HPRT1: variants seen among roughly 807,000 people sequenced by gnomAD.
HPRT1 encodes the protein hypoxanthine phosphoribosyltransferase 1, also known as hypoxanthine-guanine phosphoribosyltransferase.
HPRT1 carries 4 observed loss-of-function variants against 19.0 expected under a neutral mutation model. The ratio of observed to expected loss-of-function variants is 0.21; its 90% CI spans 0.10 to 0.48. The LOEUF (loss-of-function observed/expected upper bound fraction) is 0.48. Among genes scored for constraint, HPRT1 ranks in the 20% least tolerant of loss-of-function variants. The pLI, the probability that HPRT1 is intolerant of heterozygous loss-of-function variation, is 0.98. For missense variants in HPRT1, 65 were observed against 164.0 expected (o/e 0.40, Z 3.30); for synonymous variants, 53 against 54.9 (o/e 0.97, Z 0.15).
intron 3 of HPRT1, among the ~76,000 whole-genome samples, chrX:134,485,746 C>T (rs2077651186): frequency 9.0e-6 from 1 of 111,578 alleles, no homozygotes; most frequent in Non-Finnish European, 1.9e-5. Flanking sequence ...TAGGGCAAGT[C>T]GAAGCTCTTT....
At chrX:134,477,850 T>A (rs2077629891) in intron 3 of HPRT1, among the ~76,000 whole-genome samples, 1 of 109,337 alleles carries the variant, frequency 9.1e-6, no homozygotes. Flanking sequence ...AATTTTTTTT[T>A]ATGTTTGTAG....
At chrX:134,478,121 T>A (rs1374169095) in intron 3 of HPRT1, among the ~76,000 whole-genome samples, 1 of 112,164 alleles carries the variant, frequency 8.9e-6, no homozygotes, top group African/African-American at 3.2e-5. Flanking sequence ...AACATTGATG[T>A]CAGTATGATT....
intron 1 of HPRT1, among the ~76,000 whole-genome samples, chrX:134,472,861 C>T (rs1482352319): frequency 3.6e-5 from 4 of 111,334 alleles, no homozygotes; most frequent in Non-Finnish European, 5.7e-5. Flanking sequence ...AGGCGTGAGC[C>T]ACCGCGCCCA....
intron 2 of HPRT1, among the ~76,000 whole-genome samples, chrX:134,474,100 T>C (rs1199495375): frequency 8.9e-6 from 1 of 111,798 alleles, no homozygotes; most frequent in Non-Finnish European, 1.9e-5. Context: ...TTTTAAATGT[T>C]ATTGGACACT....
At chrX:134,489,488 T>G (rs1450178741) in intron 4 of HPRT1, among the ~76,000 whole-genome samples, 1 of 111,672 alleles carries the variant, frequency 9.0e-6, no homozygotes, top group African/African-American at 3.2e-5. Flanking sequence ...ATCATGAATC[T>G]TCTTGTGGCA....
At chrX:134,480,175 T>A (rs1341251070) in intron 3 of HPRT1, among the ~76,000 whole-genome samples, 1 of 111,439 alleles carries the variant, frequency 9.0e-6, no homozygotes, top group African/African-American at 3.3e-5. Context: ...TTCATTTACA[T>A]TTGAGAACAG....
At chrX:134,474,495 C>G (rs759340705) in intron 2 of HPRT1, among the ~76,000 whole-genome samples, 1 of 106,893 alleles carries the variant, frequency 9.4e-6, no homozygotes, top group Non-Finnish European at 1.9e-5. Context: ...TCACAGTTCA[C>G]TGCAGTCTCA....
intron 4 of HPRT1, among the ~76,000 whole-genome samples, chrX:134,489,884 A>G: frequency 8.9e-6 from 1 of 111,872 alleles, no homozygotes; most frequent in Middle Eastern, 4.6e-3. Flanking sequence ...ACACATGGGA[A>G]ACTAAGGCCA....
intron 4 of HPRT1, among the ~76,000 whole-genome samples, chrX:134,487,026 G>T (rs2077655751): frequency 9.0e-6 from 1 of 110,878 alleles, no homozygotes; most frequent in Admixed American, 9.7e-5. Flanking sequence ...TTAGGGTGAG[G>T]TTGATAATAG....
rs1473299164 is a variant in HPRT1 at position 134,460,168 on chromosome X, T to G, written c.-144T>G. 1.7e-6 allele frequency: 1 copy of G among 577,642 alleles called. No individual in the cohort carries two copies. The highest frequency in any genetic ancestry group is 3.2e-5 in the Admixed American group (1 of 30,986). The allele number at this position is 577,642 out of a possible 1,213,427, so 47.6% of individuals were successfully genotyped here. A position where few individuals can be genotyped will look rare whatever the true frequency, so the allele number is the denominator to read the frequency against. ...AGGGCGGGGCCTGCTTCTCCTCAGCTTCAGGCGGCTGCGACGAGCCCTCAG... is the reference window on the plus strand; with the variant it reads ...AGGGCGGGGCCTGCTTCTCCTCAGCGTCAGGCGGCTGCGACGAGCCCTCAG... On this transcript the variant is annotated 5_prime_UTR_variant, in exon 1 of 9. Transcript: ENST00000298556.
In HPRT1 at chrX:134,462,371, G is replaced by A. The variant is rs1381674066; in HGVS notation, c.27+2033G>A. Among the ~76,000 whole-genome samples the A allele has an allele frequency of 4.5e-5, 5 of 110,497 alleles. No homozygotes were observed. The South Asian group carries it at 1.9e-3, about 42-fold the overall frequency. ...AATTTTTTGTATTTTTAATAGAGAC[G>A]AGGTTTCACCATGTTGGCCAGGCTA... On this transcript the variant is annotated intron_variant, in intron 1 of 8. Transcript: ENST00000298556.
chrX:134,475,377 A>G lies in HPRT1; in HGVS notation c.318+13A>G. 9.5e-7 allele frequency: 1 copy of G among 1,057,265 alleles called. No individual in the cohort carries two copies. The highest frequency in any genetic ancestry group is 1.3e-6 in the Non-Finnish European group (1 of 756,066). The allele number at this position is 1,057,265 out of a possible 1,213,427, so 87.1% of individuals were successfully genotyped here. On this transcript the variant is annotated intron_variant, in intron 3 of 8. Coordinates refer to ENST00000298556, the MANE Select transcript of HPRT1 (RefSeq NM_000194.3). Reference sequence around the variant, plus strand: ...GAAGAGCTATTGTGTGAGTATATTTAATATATGATTCTTTTTAGTGGCAAC... The same window carrying G: ...GAAGAGCTATTGTGTGAGTATATTTGATATATGATTCTTTTTAGTGGCAAC...
chrX:134,473,269 AT>A (rs1216368596), intron 1 of HPRT1, 89 bp from the exon 2 acceptor site: 1 of 602,812 alleles, frequency 1.7e-6, no homozygotes, highest in African/African-American at 2.2e-5. Flanking sequence ...AATTTCTCTG[AT>A]AGACTAAGGT....
chrX:134,473,167 C>T (rs568657869), intron 1 of HPRT1, among the ~76,000 whole-genome samples, 192 bp from the exon 2 acceptor site: 3 of 112,135 alleles, frequency 2.7e-5, no homozygotes, highest in South Asian at 3.7e-4. Flanking sequence ...TGGGATTACA[C>T]GTGTGAACCA....
chrX:134,499,956 A>G (rs2077691261), intron 8 of HPRT1, 74 bp from the exon 9 acceptor site: 1 of 679,112 alleles, frequency 1.5e-6, no homozygotes. Flanking sequence ...GTGTTCTTAT[A>G]TGTAAAATGC....
At chrX:134,492,625 G>A in intron 5 of HPRT1, 1 of 296,368 alleles carries the variant, frequency 3.4e-6, no homozygotes, top group South Asian at 3.2e-5. Context: ...GCCCATGACA[G>A]TCTCACAACA....
intron 5 of HPRT1, chrX:134,492,386 G>A (rs995611951): frequency 4.8e-5 from 11 of 228,766 alleles, no homozygotes; most frequent in Non-Finnish European, 9.4e-5. Flanking sequence ...TATCCTTAAA[G>A]TTGATATATA....
intron 3 of HPRT1, among the ~76,000 whole-genome samples, chrX:134,477,206 G>A (rs1325713440): frequency 9.4e-6 from 1 of 106,212 alleles, no homozygotes; most frequent in Non-Finnish European, 1.9e-5. Flanking sequence ...GACTACAGGT[G>A]CCTGCCACTA....
intron 3 of HPRT1, among the ~76,000 whole-genome samples, chrX:134,477,892 T>C (rs1187919448): frequency 9.0e-6 from 1 of 111,019 alleles, no homozygotes; most frequent in Non-Finnish European, 1.9e-5. Flanking sequence ...CCCAGGCTGA[T>C]CCCGAACTCC....
Sources: gnomAD v4.1 joint callset for allele counts (sites outside exome capture counted in the v4.1 genomes callset) on GRCh38, gnomAD v4.1.1 for gene constraint, MANE v1.5 for transcripts, NCBI Gene and HGNC (gene_info 2026-07-23, HGNC 2026-07-21) for gene names.